The following PTPRN2 variants were observed in gnomAD, a reference collection of about 807,000 sequenced individuals.
The protein encoded by PTPRN2 is protein tyrosine phosphatase receptor type N2.
In PTPRN2, 74 loss-of-function variants were observed where a neutral mutation model predicts 118.8. That is an observed-to-expected ratio of 0.62 (90% CI 0.52 to 0.76). The LOEUF (loss-of-function observed/expected upper bound fraction) is 0.76, where lower values mean the gene tolerates loss of function less well. PTPRN2 is among the 30% of genes least tolerant of loss of function. The pLI, the probability that PTPRN2 is intolerant of heterozygous loss-of-function variation, is 0.00. For synonymous variants in PTPRN2, 641 were observed against 608.0 expected (o/e 1.05, Z -0.80); for missense variants, 1,481 against 1,394.4 (o/e 1.06, Z -0.99).
intron 13 of PTPRN2, among the ~76,000 whole-genome samples, chr7:157,670,911 G>GT (rs1009793427): frequency 1.1e-4 from 17 of 152,018 alleles, no homozygotes; most frequent in East Asian, 9.7e-4. Context: ...ACGGGCAGCT[G>GT]TTTTTTTTAC....
At chr7:158,446,656 A>G (rs1157090354) in intron 2 of PTPRN2, among the ~76,000 whole-genome samples, 1 of 152,278 alleles carries the variant, frequency 6.6e-6, no homozygotes, top group African/African-American at 2.4e-5. Flanking sequence ...TAATTTCCTC[A>G]GAGATTACTT....
At chr7:158,326,665 C>T (rs1223166883) in intron 2 of PTPRN2, among the ~76,000 whole-genome samples, 1 of 151,634 alleles carries the variant, frequency 6.6e-6, no homozygotes, top group East Asian at 1.9e-4. Flanking sequence ...CACACTCTCA[C>T]ATGCACACAC....
At chr7:158,033,738 T>A (rs1807867069) in intron 11 of PTPRN2, among the ~76,000 whole-genome samples, 1 of 148,044 alleles carries the variant, frequency 6.8e-6, no homozygotes, top group South Asian at 2.2e-4. Context: ...GAGACCTCGA[T>A]AGAAACTCTG....
At chr7:158,176,422 C>T (rs1824213971) in intron 5 of PTPRN2, among the ~76,000 whole-genome samples, 1 of 152,182 alleles carries the variant, frequency 6.6e-6, no homozygotes, top group South Asian at 2.1e-4. Context: ...GAAGATCCTG[C>T]AGTGAGGAAA....
At chr7:158,059,731 G>A (rs368816095) in intron 11 of PTPRN2, among the ~76,000 whole-genome samples, 30 of 53,954 alleles carry the variant, frequency 5.6e-4, no homozygotes, top group South Asian at 9.2e-4. Flanking sequence ...CCACGGTGAC[G>A]CATCACTGCA....
At chr7:158,128,325 A>G (rs148293484) in intron 9 of PTPRN2, among the ~76,000 whole-genome samples, 1 of 152,346 alleles carries the variant, frequency 6.6e-6, no homozygotes, top group East Asian at 1.9e-4. Flanking sequence ...AATTGCTGAC[A>G]AAAAGCTGTG....
At chr7:157,582,359 T>C (rs996436291) in intron 17 of PTPRN2, among the ~76,000 whole-genome samples, 2 of 152,062 alleles carry the variant, frequency 1.3e-5, no homozygotes, top group Admixed American at 6.5e-5. Flanking sequence ...CACACATTTC[T>C]CCAAAGAAGA....
intron 12 of PTPRN2, among the ~76,000 whole-genome samples, chr7:157,855,475 G>A (rs1809641865): frequency 6.6e-6 from 1 of 152,212 alleles, no homozygotes; most frequent in African/African-American, 2.4e-5. Context: ...CCGCTTCTTG[G>A]GGAGCTCAAG....
chr7:158,532,237 G>A (rs1362525313), intron 1 of PTPRN2, among the ~76,000 whole-genome samples: 4 of 152,160 alleles, frequency 2.6e-5, no homozygotes, highest in South Asian at 2.1e-4. Flanking sequence ...TCCTCAGCTC[G>A]TCGGGCACGA....
intron 5 of PTPRN2, among the ~76,000 whole-genome samples, chr7:158,173,569 CATCTT>C: frequency 6.6e-6 from 1 of 152,306 alleles, no homozygotes; most frequent in East Asian, 1.9e-4. Flanking sequence ...TCTTGATAAA[CATCTT>C]AACAGGAAAC....
At chr7:158,400,360 CTTTG>C (rs962010901) in intron 2 of PTPRN2, among the ~76,000 whole-genome samples, 4 of 152,088 alleles carry the variant, frequency 2.6e-5, no homozygotes, top group Admixed American at 1.3e-4. Context: ...AGCATTCTGG[CTTTG>C]TTTTTGTTTT....
chr7:157,627,553 T>C lies in PTPRN2; in HGVS notation c.2197-6044A>G, dbSNP rs1803663122. 2.0e-5 allele frequency among the ~76,000 whole-genome samples: 3 copies of C among 152,204 alleles called. No individual in the cohort carries two copies. The highest frequency in any genetic ancestry group is 2.1e-4 in the South Asian group (1 of 4,830). ...TCGTCTTTTAGAGCTGCTTGCTCTA[T>C]AATTTTGGGTTTTGAAGGGCTCTTG... On this transcript the variant is annotated intron_variant, in intron 14 of 22. Transcript: ENST00000389418. This position sits in a 1 kb window ranked among gnomAD's most constrained non-coding sequence, Gnocchi z 4.2.
intron 6 of PTPRN2, among the ~76,000 whole-genome samples, chr7:158,157,060 C>T (rs1821887871): frequency 6.6e-6 from 1 of 151,922 alleles, no homozygotes; most frequent in Non-Finnish European, 1.5e-5. Context: ...CAGCGGACAG[C>T]ACCCCCGTTC....
At chr7:157,879,765 A>G (rs113517641) in intron 12 of PTPRN2, among the ~76,000 whole-genome samples, 17 of 149,608 alleles carry the variant, frequency 1.1e-4, no homozygotes, top group African/African-American at 4.2e-4. Flanking sequence ...AGCCCGGCTT[A>G]CTCGTGGCCT....
chr7:157,557,026 CATGCACACATCCACACAAG>C (rs1438100576), intron 21 of PTPRN2, among the ~76,000 whole-genome samples: 2 of 150,434 alleles, frequency 1.3e-5, no homozygotes, highest in Non-Finnish European at 3.0e-5. Flanking sequence ...TATATACAGG[CATGCACACATCCACACAAG>C]ATGCACACCC....
chr7:158,507,653 G>A (rs567581956), intron 1 of PTPRN2, among the ~76,000 whole-genome samples: 3 of 147,828 alleles, frequency 2.0e-5, no homozygotes, highest in Non-Finnish European at 3.0e-5. Context: ...CACACATGAA[G>A]GTCAGTGAGG....
chr7:157,999,585 C>T (rs193123239), intron 11 of PTPRN2, among the ~76,000 whole-genome samples: 13 of 152,258 alleles, frequency 8.5e-5, no homozygotes, highest in African/African-American at 2.9e-4. Context: ...TGGCACCCAC[C>T]GGAGATGAGG....
chr7:158,279,775 G>T (rs1039968387), intron 3 of PTPRN2, among the ~76,000 whole-genome samples: 3 of 152,178 alleles, frequency 2.0e-5, no homozygotes, highest in African/African-American at 7.2e-5. Flanking sequence ...CCCAGAGAGG[G>T]GCCCCCACAG....
chr7:157,999,164 A>G (rs1382119139), intron 11 of PTPRN2, among the ~76,000 whole-genome samples: 3 of 152,028 alleles, frequency 2.0e-5, no homozygotes, highest in Non-Finnish European at 4.4e-5. Flanking sequence ...ACACCCCTGC[A>G]CTGACCGGCT....
Sources: gnomAD v4.1 joint callset for allele counts (sites outside exome capture counted in the v4.1 genomes callset) on GRCh38, gnomAD v4.1.1 for gene constraint, Gnocchi (gnomAD v3.1) non-coding constraint, MANE v1.5 for transcripts, NCBI Gene and HGNC (gene_info 2026-07-23, HGNC 2026-07-21) for gene names.